IFITM5: variants seen among roughly 807,000 people sequenced by gnomAD.
IFITM5 encodes the protein interferon induced transmembrane protein 5.
IFITM5 carries 10 observed loss-of-function variants against 9.2 expected under a neutral mutation model. That is an observed-to-expected ratio of 1.09 (90% CI 0.67 to 1.85). IFITM5 has a LOEUF of 1.85. Ranked by LOEUF, IFITM5 falls within the 40% of genes most tolerant of loss-of-function variation. IFITM5 has a pLI of 0.00. For missense variants in IFITM5, 225 were observed against 182.6 expected (o/e 1.23, Z -1.34); for synonymous variants, 93 against 86.6 (o/e 1.07, Z -0.41).
In IFITM5 at chr11:298,255, G is replaced by A; in HGVS notation, c.*246C>T. On this transcript the variant is annotated 3_prime_UTR_variant, in exon 2 of 2. Transcript: ENST00000382614. ...ACCGAGGGGCCTGGAGTGTGAGGAG[G>A]GAGGGGCAGGATCGGGGGCAGAGTT... 2 of 558,970 alleles carry A rather than the reference G, an allele frequency of 3.6e-6. No homozygotes were observed. The highest frequency in any genetic ancestry group is 4.2e-5 in the South Asian group (2 of 47,164). The allele number at this position is 558,970 out of a possible 1,614,324, so 34.6% of individuals were successfully genotyped here. A position where few individuals can be genotyped will look rare whatever the true frequency, so the allele number is the denominator to read the frequency against.
In IFITM5 at chr11:298,232, C is replaced by T. The variant is rs550162663; in HGVS notation, c.*269G>A. 1.6e-5 allele frequency: 8 copies of T among 501,794 alleles called. No individual in the cohort carries two copies. The highest frequency in any genetic ancestry group is 3.4e-5 in the East Asian group (1 of 29,292). The allele number at this position is 501,794 out of a possible 1,614,324, so 31.1% of individuals were successfully genotyped here. On this transcript the variant is annotated 3_prime_UTR_variant, in exon 2 of 2. Transcript: ENST00000382614. Reference sequence around the variant, plus strand: ...AACCAGGCACTTTTAATCGTGGAACCGAGGGGCCTGGAGTGTGAGGAGGGA... The same window carrying T: ...AACCAGGCACTTTTAATCGTGGAACTGAGGGGCCTGGAGTGTGAGGAGGGA...
intron 1 of IFITM5, 120 bp downstream of exon 1, chr11:299,185 G>GC (rs892065241): frequency 6.4e-6 from 5 of 786,138 alleles, no homozygotes; most frequent in African/African-American, 3.6e-5. Flanking sequence ...GACAAGCAGA[G>GC]CCCCCCGCGG....
At chr11:299,283 C>A in intron 1 of IFITM5, 22 bp downstream of exon 1, 1 of 1,555,694 alleles carries the variant, frequency 6.4e-7, no homozygotes, top group African/African-American at 1.4e-5. Context: ...TCCCCCGCAA[C>A]CTCGGTAGGG....
chr11:299,277 C>G (rs769774115), intron 1 of IFITM5, 28 bp downstream of exon 1: 1 of 1,541,690 alleles, frequency 6.5e-7, no homozygotes. Flanking sequence ...GGAGCCTCCC[C>G]CGCAACCTCG....
At position 299,419 on chromosome 11, in the gene IFITM5, G is replaced by A. The variant is rs779478631; in HGVS notation, c.72C>T (p.Leu24=). ...TPSKAGAHTA[L]TLGAPHPPPR... ...GCGGGGGGTGCGGGGCCCCCAGTGT[G>A]AGGGCTGTGTGGGCACCGGCCTTGC... is the stretch of plus-strand genomic sequence containing the variant. Residue 24 remains leucine (L), a synonymous_variant, in exon 1 of 2, where the codon CTC becomes CTT. Transcript: ENST00000382614. 12 of 1,555,138 alleles carry A rather than the reference G, an allele frequency of 7.7e-6. No homozygotes were observed. The South Asian group carries it at 1.3e-4, about 17-fold the overall frequency.
chr11:298,526 T>A lies in IFITM5; in HGVS notation c.374A>T (p.Lys125Met). ...AKDSAAFFST[K>M]FDDADYD is the part of the protein sequence containing the mutation. ...TCAGTCATAGTCCGCGTCATCAAAC[T>A]TGGTGCTGAAGAAGGCGGCAGAGTC... Residue 125 changes from lysine (K) to methionine (M), a missense_variant, in exon 2 of 2, where the codon AAG becomes ATG. Coordinates refer to ENST00000382614, the MANE Select transcript of IFITM5 (RefSeq NM_001025295.3). 3 of 1,612,192 alleles carry A rather than the reference T, an allele frequency of 1.9e-6. No individual in the cohort carries two copies. Among genetic ancestry groups the A allele is most frequent in the Non-Finnish European group, 2.5e-6 (3 of 1,179,868 alleles).
chr11:299,452 G>A lies in IFITM5; in HGVS notation c.39C>T (p.Pro13=). ...TGTGGGCACCGGCCTTGCTGGGCGT[G>A]GGGGCCCGGGTGTCCTCGCGGGGAT... ...TAYPREDTRA[P]TPSKAGAHTA... is the part of the protein sequence containing the mutation. Residue 13 remains proline, a synonymous_variant, in exon 1 of 2, where the codon CCC becomes CCT. Transcript: ENST00000382614. 6.6e-7 allele frequency: 1 copy of A among 1,522,706 alleles called. No individual in the cohort carries two copies. The highest frequency in any genetic ancestry group is 8.8e-7 in the Non-Finnish European group (1 of 1,134,970). The allele number at this position is 1,522,706 out of a possible 1,614,324, so 94.3% of individuals were successfully genotyped here. A position where few individuals can be genotyped will look rare whatever the true frequency, so the allele number is the denominator to read the frequency against.
At chr11:299,225 G>T in intron 1 of IFITM5, 80 bp downstream of exon 1, 1 of 1,138,828 alleles carries the variant, frequency 8.8e-7, no homozygotes, top group Non-Finnish European at 1.2e-6. Flanking sequence ...CCCCCACGGA[G>T]CTCCCCATCC....
Position 298,285 on chromosome 11 carries a change from C to T in IFITM5, c.*216G>A. ...GGCAGGATCGGGGGCAGAGTTAGGGCCCGGGAACTCTCGGGTTAGGGTGAA... is the reference window on the plus strand; with the variant it reads ...GGCAGGATCGGGGGCAGAGTTAGGGTCCGGGAACTCTCGGGTTAGGGTGAA... On this transcript the variant is annotated 3_prime_UTR_variant, in exon 2 of 2. Transcript: ENST00000382614. 1.7e-6 allele frequency: 1 copy of T among 587,672 alleles called. No individual in the cohort carries two copies. Among genetic ancestry groups the T allele is most frequent in the East Asian group, 2.8e-5 (1 of 35,384 alleles). 36.4% of individuals were successfully genotyped at this position (587,672 alleles called of 1,614,324 possible).
chr11:299,238 C>A, intron 1 of IFITM5, 67 bp downstream of exon 1: 5 of 1,263,196 alleles, frequency 4.0e-6, no homozygotes, highest in Non-Finnish European at 5.4e-6. Flanking sequence ...CCCCATCCCT[C>A]CCCCTTCCCC....
chr11:299,417 G>T lies in IFITM5; in HGVS notation c.74C>A (p.Thr25Lys). Reference sequence around the variant, plus strand: ...AGGCGGGGGGTGCGGGGCCCCCAGTGTGAGGGCTGTGTGGGCACCGGCCTT... The same window carrying T: ...AGGCGGGGGGTGCGGGGCCCCCAGTTTGAGGGCTGTGTGGGCACCGGCCTT... Reference protein sequence around the residue: ...PSKAGAHTALTLGAPHPPPRD... With the variant: ...PSKAGAHTALKLGAPHPPPRD... Residue 25 changes from threonine to lysine, a missense_variant, in exon 1 of 2, where the codon ACA becomes AAA. Coordinates refer to ENST00000382614, the MANE Select transcript of IFITM5 (RefSeq NM_001025295.3). The T allele has an allele frequency of 4.5e-6, 7 of 1,554,006 alleles. No individual in the cohort carries two copies. The highest frequency in any genetic ancestry group is 6.1e-6 in the Non-Finnish European group (7 of 1,150,974).
Position 299,494 on chromosome 11 carries a change from T to C in IFITM5, c.-4A>G. On this transcript the variant is annotated 5_prime_UTR_variant, in exon 1 of 2. Coordinates refer to ENST00000382614, the MANE Select transcript of IFITM5 (RefSeq NM_001025295.3). ...CGCGGGGATACGCCGTGTCCATGGG[T>C]TCCAGCGCCGTCTCTTCCACACTCA... 1.4e-6 allele frequency: 2 copies of C among 1,465,510 alleles called. No individual in the cohort carries two copies. Among genetic ancestry groups the C allele is most frequent in the Non-Finnish European group, 1.8e-6 (2 of 1,107,066 alleles). 90.8% of individuals were successfully genotyped at this position (1,465,510 alleles called of 1,614,324 possible). A position where few individuals can be genotyped will look rare whatever the true frequency, so the allele number is the denominator to read the frequency against.
At position 298,504 on chromosome 11, in the gene IFITM5, G is replaced by C. The variant is rs1438703978; in HGVS notation, c.396C>G (p.Asp132Glu). The change falls in exon 2 of 2, where the codon GAC becomes GAG. Residue 132 changes from aspartate to glutamate, a missense_variant. Coordinates refer to ENST00000382614, the MANE Select transcript of IFITM5 (RefSeq NM_001025295.3). Reference protein sequence around the residue: ...FSTKFDDADYD With the variant: ...FSTKFDDADYE ...CCCCAGATCAGGACCCAGCCTGTCAGTCATAGTCCGCGTCATCAAACTTGG... is the reference window on the plus strand; with the variant it reads ...CCCCAGATCAGGACCCAGCCTGTCACTCATAGTCCGCGTCATCAAACTTGG... The C allele has an allele frequency of 6.2e-7, 1 of 1,610,476 alleles. No individual in the cohort carries two copies. Among genetic ancestry groups the C allele is most frequent in the African/African-American group, 1.3e-5 (1 of 74,866 alleles).
At chr11:299,167 C>G in intron 1 of IFITM5, 138 bp downstream of exon 1, 2 of 697,756 alleles carry the variant, frequency 2.9e-6, no homozygotes, top group Non-Finnish European at 4.6e-6. Flanking sequence ...CCCACAGAGC[C>G]CCTCACGGAC....
rs753298359 is a variant in IFITM5 at position 299,373 on chromosome 11, A to G, written c.118T>C (p.Ser40Pro). ...TTCAGGTAGAGGGTGCTGAACACCG[A>G]CCAGATCAAGTGGTCTCGAGGCGGG... ...HPPPRDHLIW[S>P]VFSTLYLNLC... Residue 40 changes from serine (S) to proline (P), a missense_variant, in exon 1 of 2, where the codon TCG (serine) becomes CCG (proline). Ser to Pro is a moderately conservative substitution (Grantham distance 74). Coordinates refer to ENST00000382614, the MANE Select transcript of IFITM5 (RefSeq NM_001025295.3). The G allele has an allele frequency of 5.0e-6, 8 of 1,595,688 alleles. No individual in the cohort carries two copies. In the African/African-American group the frequency reaches 9.4e-5, roughly 19 times the overall value.
In IFITM5 at chr11:298,394, GC is replaced by G. The variant is rs1845889087; in HGVS notation, c.*106del. On this transcript the variant is annotated 3_prime_UTR_variant, in exon 2 of 2. Coordinates refer to ENST00000382614, the MANE Select transcript of IFITM5 (RefSeq NM_001025295.3). ...GGATCAGGATGGGGCAGGGATGGAG[GC>G]CCCACAGAAGGAGGGCCAGGCTCCG... 2 of 1,204,304 alleles carry G rather than the reference GC, an allele frequency of 1.7e-6. No homozygotes were observed. The highest frequency in any genetic ancestry group is 1.5e-5 in the African/African-American group (1 of 65,808). The allele number at this position is 1,204,304 out of a possible 1,614,324, so 74.6% of individuals were successfully genotyped here.
Position 298,384 on chromosome 11 carries a change from A to G in IFITM5, c.*117T>C. The G allele has an allele frequency of 1.8e-6, 2 of 1,098,692 alleles. No individual in the cohort carries two copies. The highest frequency in any genetic ancestry group is 1.6e-5 in the African/African-American group (1 of 63,860). 68.1% of individuals were successfully genotyped at this position (1,098,692 alleles called of 1,614,324 possible). A position where few individuals can be genotyped will look rare whatever the true frequency, so the allele number is the denominator to read the frequency against. On this transcript the variant is annotated 3_prime_UTR_variant, in exon 2 of 2. Transcript: ENST00000382614. ...GAGGGCCCCAGGATCAGGATGGGGCAGGGATGGAGGCCCCACAGAAGGAGG... is the reference window on the plus strand; with the variant it reads ...GAGGGCCCCAGGATCAGGATGGGGCGGGGATGGAGGCCCCACAGAAGGAGG...
chr11:298,268 C>T lies in IFITM5; in HGVS notation c.*233G>A, dbSNP rs529435718. 47 of 572,204 alleles carry T rather than the reference C, an allele frequency of 8.2e-5. No homozygotes were observed. Among genetic ancestry groups the T allele is most frequent in the East Asian group, 2.9e-4 (10 of 34,350 alleles). 35.4% of individuals were successfully genotyped at this position (572,204 alleles called of 1,614,324 possible). The stretch of plus-strand genomic sequence containing the variant: ...GAGTGTGAGGAGGGAGGGGCAGGAT[C>T]GGGGGCAGAGTTAGGGCCCGGGAAC... On this transcript the variant is annotated 3_prime_UTR_variant, in exon 2 of 2. Transcript: ENST00000382614.
chr11:298,334 G>T lies in IFITM5; in HGVS notation c.*167C>A. On this transcript the variant is annotated 3_prime_UTR_variant, in exon 2 of 2. Transcript: ENST00000382614. ...AAGACCCCGGGGTCTGACTGGTTCAGCCTTAGGTGCCCATGTTGGGGCTGG... is the reference window on the plus strand; with the variant it reads ...AAGACCCCGGGGTCTGACTGGTTCATCCTTAGGTGCCCATGTTGGGGCTGG... The T allele has an allele frequency of 2.8e-6, 2 of 716,710 alleles. No homozygotes were observed. The highest frequency in any genetic ancestry group is 2.3e-6 in the Non-Finnish European group (1 of 440,328). 44.4% of individuals were successfully genotyped at this position (716,710 alleles called of 1,614,324 possible). A position where few individuals can be genotyped will look rare whatever the true frequency, so the allele number is the denominator to read the frequency against.
Sources: allele counts gnomAD v4.1 joint callset, GRCh38; gene constraint gnomAD v4.1.1; transcripts MANE v1.5; gene names NCBI Gene and HGNC (gene_info 2026-07-23, HGNC 2026-07-21).